PIK3R1: variants seen among roughly 807,000 people sequenced by gnomAD.
The protein encoded by PIK3R1 is phosphatidylinositol 3-kinase regulatory subunit alpha.
In PIK3R1, 29 loss-of-function variants were observed where a neutral mutation model predicts 98.0. The observed-to-expected ratio is 0.30, with a 90% CI of 0.22 to 0.40. The LOEUF (loss-of-function observed/expected upper bound fraction) is 0.40. PIK3R1 is among the 10% of genes least tolerant of loss of function. PIK3R1 has a pLI of 1.00. For synonymous variants in PIK3R1, 282 were observed against 311.8 expected, an observed-to-expected ratio of 0.90 and a Z score of 1.01; for missense variants, 596 against 872.7, an observed-to-expected ratio of 0.68 and a Z score of 3.99.
intron 2 of PIK3R1, among the ~76,000 whole-genome samples, chr5:68,229,847 A>G (rs549005995): frequency 6.6e-6 from 1 of 152,324 alleles, no homozygotes; most frequent in African/African-American, 2.4e-5. Flanking sequence ...AATCTTATAT[A>G]CGGCACTGTA....
chr5:68,265,202 A>G (rs1358911259), intron 2 of PIK3R1, among the ~76,000 whole-genome samples: 1 of 140,218 alleles, frequency 7.1e-6, no homozygotes, highest in Non-Finnish European at 1.5e-5. Flanking sequence ...GTTAATATGT[A>G]CATTAAAGTT....
At position 68,297,457 on chromosome 5, in the gene PIK3R1, T is replaced by C; in HGVS notation, c.2031T>C (p.Thr677=). 6.2e-7 allele frequency: 1 copy of C among 1,614,154 alleles called. No homozygotes were observed. Among genetic ancestry groups the C allele is most frequent in the Non-Finnish European group, 8.5e-7 (1 of 1,179,968 alleles). ...ATTGTGTCATAAACAAAACAGCAAC[T>C]GGCTATGGCTTTGCCGAGCCCTATA... The part of the protein sequence containing the change: ...VKHCVINKTA[T]GYGFAEPYNL... The change falls in exon 16 of 16, where the codon ACT becomes ACC. Residue 677 remains threonine, a synonymous_variant. Transcript: ENST00000521381.
chr5:68,242,500 G>C (rs901589446), intron 2 of PIK3R1, among the ~76,000 whole-genome samples: 1 of 152,218 alleles, frequency 6.6e-6, no homozygotes, highest in African/African-American at 2.4e-5. Flanking sequence ...CCAGAAGAGA[G>C]GCCTTCCATG....
chr5:68,240,806 T>C (rs564830808), intron 2 of PIK3R1, among the ~76,000 whole-genome samples: 1 of 152,306 alleles, frequency 6.6e-6, no homozygotes, highest in South Asian at 2.1e-4. Context: ...TGTTATAGTC[T>C]AGCTGTGAGA....
At position 68,300,033 on chromosome 5, in the gene PIK3R1, C is replaced by A. The variant is rs12755; in HGVS notation, c.*2432C>A. 54,076 of 232,908 alleles carry A rather than the reference C, an allele frequency of 0.23. 7,396 individuals are homozygous for A. The highest frequency in any genetic ancestry group is 0.4 in the African/African-American group (17,979 of 45,352). 14.4% of individuals were successfully genotyped at this position (232,908 alleles called of 1,614,324 possible). On this transcript the variant is annotated 3_prime_UTR_variant, in exon 16 of 16. Coordinates refer to ENST00000521381, the MANE Select transcript of PIK3R1 (RefSeq NM_181523.3). ...GTATTTTTTTGGTAGCACATGTATG[C>A]TATTACATACAAATTTTTATTTCTA... is the stretch of plus-strand genomic sequence containing the variant.
At chr5:68,294,867 G>T (rs1747611315) in intron 12 of PIK3R1, among the ~76,000 whole-genome samples, 189 bp downstream of exon 12, 1 of 151,972 alleles carries the variant, frequency 6.6e-6, no homozygotes, top group Non-Finnish European at 1.5e-5. Context: ...GCTAGATGAC[G>T]AGTTAGTGGG....
chr5:68,257,098 G>A (rs1449532619), intron 2 of PIK3R1, among the ~76,000 whole-genome samples: 1 of 152,172 alleles, frequency 6.6e-6, no homozygotes, highest in Non-Finnish European at 1.5e-5. Flanking sequence ...AGAGCTGCCT[G>A]GCCCAGCCAA....
chr5:68,263,866 T>G (rs1746009578), intron 2 of PIK3R1, among the ~76,000 whole-genome samples: 1 of 152,218 alleles, frequency 6.6e-6, no homozygotes, highest in Non-Finnish European at 1.5e-5. Flanking sequence ...TTTCCCTTCC[T>G]CTCCCTTTTT....
At chr5:68,273,117 T>C (rs1746430621) in intron 2 of PIK3R1, among the ~76,000 whole-genome samples, 1 of 151,894 alleles carries the variant, frequency 6.6e-6, no homozygotes, top group African/African-American at 2.4e-5. Flanking sequence ...CCCAGGGGTG[T>C]ACCTAGACAG....
intron 4 of PIK3R1, among the ~76,000 whole-genome samples, chr5:68,277,624 A>G (rs1375032700): frequency 6.6e-6 from 1 of 152,146 alleles, no homozygotes; most frequent in Non-Finnish European, 1.5e-5. Context: ...AATGATTTGT[A>G]CTGTCATATT....
At position 68,297,396 on chromosome 5, in the gene PIK3R1, CT is replaced by C; in HGVS notation, c.1986-14del. On this transcript the variant is annotated splice_polypyrimidine_tract_variant and intron_variant, in intron 15 of 15. Coordinates refer to ENST00000521381, the MANE Select transcript of PIK3R1 (RefSeq NM_181523.3). ...TGGACAAGCTCAAAAGACAGTTTTTCTTCTCTCCTCTCTAGGGTGGACGGCG... is the reference window on the plus strand; with the variant it reads ...TGGACAAGCTCAAAAGACAGTTTTTCTCTCTCCTCTCTAGGGTGGACGGCG... 6.3e-7 allele frequency: 1 copy of C among 1,596,074 alleles called. No individual in the cohort carries two copies.
intron 2 of PIK3R1, among the ~76,000 whole-genome samples, chr5:68,231,920 G>C (rs75274800): frequency 0.016 from 2,424 of 152,236 alleles, 63 homozygotes; most frequent in African/African-American, 0.056. Flanking sequence ...AGAAAGTTGG[G>C]TCAGTTACAG....
At chr5:68,276,609 T>G (rs952000833) in intron 4 of PIK3R1, among the ~76,000 whole-genome samples, 1 of 152,146 alleles carries the variant, frequency 6.6e-6, no homozygotes, top group African/African-American at 2.4e-5. Flanking sequence ...TAGGAATAGC[T>G]AATGGAAGAG....
At chr5:68,229,629 T>C (rs1287915867) in intron 2 of PIK3R1, among the ~76,000 whole-genome samples, 1 of 152,220 alleles carries the variant, frequency 6.6e-6, no homozygotes, top group Non-Finnish European at 1.5e-5. Context: ...ACAGCCTGCA[T>C]GCCAATTGTG....
intron 8 of PIK3R1, chr5:68,292,598 G>C (rs574191479): frequency 2.7e-6 from 4 of 1,465,058 alleles, no homozygotes; most frequent in Admixed American, 2.1e-5. Flanking sequence ...TGAAGTGCCA[G>C]AGTGAAGTGG....
At chr5:68,289,966 T>C (rs1193217734) in intron 7 of PIK3R1, among the ~76,000 whole-genome samples, 1 of 152,166 alleles carries the variant, frequency 6.6e-6, no homozygotes, top group Non-Finnish European at 1.5e-5. Flanking sequence ...TTCTCATTAA[T>C]AATGTTGACA....
intron 2 of PIK3R1, among the ~76,000 whole-genome samples, chr5:68,255,151 C>A (rs1430395764): frequency 4.6e-5 from 7 of 152,216 alleles, no homozygotes; most frequent in Non-Finnish European, 1.5e-5. Flanking sequence ...AATTTAGCAG[C>A]ATCTGATTTT....
intron 7 of PIK3R1, among the ~76,000 whole-genome samples, chr5:68,284,335 C>T (rs1036438313): frequency 7.2e-5 from 11 of 152,182 alleles, no homozygotes; most frequent in East Asian, 3.9e-4. Flanking sequence ...AGCAGAGCTA[C>T]GGCCTCTAGG....
chr5:68,268,878 G>A (rs930436910), intron 2 of PIK3R1, among the ~76,000 whole-genome samples: 12 of 152,152 alleles, frequency 7.9e-5, no homozygotes, highest in African/African-American at 1.9e-4. Flanking sequence ...CCCACACACC[G>A]CTGGTGCCCA....
Sources: gnomAD v4.1 joint callset for allele counts (sites outside exome capture counted in the v4.1 genomes callset) on GRCh38, gnomAD v4.1.1 for gene constraint, MANE v1.5 for transcripts, NCBI Gene and HGNC (gene_info 2026-07-23, HGNC 2026-07-21) for gene names.